BCL11B: variants seen among roughly 807,000 people sequenced by gnomAD.
BCL11B encodes B-cell lymphoma/leukemia 11B.
In BCL11B, 8 loss-of-function variants were observed where a neutral mutation model predicts 49.9. That is an observed-to-expected ratio of 0.16 (90% CI 0.09 to 0.29). BCL11B has a LOEUF of 0.29. BCL11B is among the 10% of genes least tolerant of loss of function. The pLI is 1.00. For missense variants in BCL11B, 1,006 were observed against 1,351.0 expected, an observed-to-expected ratio of 0.74 and a Z score of 4.00; for synonymous variants, 739 against 637.4, an observed-to-expected ratio of 1.16 and a Z score of -2.40.
chr14:99,223,764 A>G (rs1045412520), intron 3 of BCL11B, among the ~76,000 whole-genome samples: 4 of 152,222 alleles, frequency 2.6e-5, no homozygotes, highest in Non-Finnish European at 4.4e-5. Context: ...TGCTTCATTC[A>G]GGTAAAAATC....
At chr14:99,256,234 T>C (rs1036835383) in intron 2 of BCL11B, among the ~76,000 whole-genome samples, 2 of 152,164 alleles carry the variant, frequency 1.3e-5, no homozygotes, top group African/African-American at 4.8e-5. Context: ...GATGGAAGCA[T>C]GGTAACGATC....
intron 3 of BCL11B, among the ~76,000 whole-genome samples, chr14:99,191,815 G>A (rs1057187048): frequency 2.0e-5 from 3 of 152,134 alleles, no homozygotes; most frequent in Non-Finnish European, 4.4e-5. Flanking sequence ...TGGTGGCTCA[G>A]CTGTGAGCCC....
intron 1 of BCL11B, among the ~76,000 whole-genome samples, chr14:99,270,538 C>G (rs1427542702): frequency 6.6e-6 from 1 of 151,936 alleles, no homozygotes; most frequent in East Asian, 2.0e-4. Context: ...GATTATTTTG[C>G]AAATAGCAGG....
At chr14:99,246,444 G>C (rs1216354177) in intron 2 of BCL11B, among the ~76,000 whole-genome samples, 1 of 152,236 alleles carries the variant, frequency 6.6e-6, no homozygotes, top group Non-Finnish European at 1.5e-5. Flanking sequence ...CCGGCGGCCA[G>C]GCGGGGGCCA....
At chr14:99,200,587 C>T (rs1367836199) in intron 3 of BCL11B, among the ~76,000 whole-genome samples, 1 of 152,238 alleles carries the variant, frequency 6.6e-6, no homozygotes, top group Non-Finnish European at 1.5e-5. Context: ...CCACTTTGCC[C>T]ATGAGGCAGC....
At chr14:99,263,818 C>A (rs1433375658) in intron 1 of BCL11B, among the ~76,000 whole-genome samples, 1 of 151,526 alleles carries the variant, frequency 6.6e-6, no homozygotes, top group Non-Finnish European at 1.5e-5. Context: ...AGCCCAGGAG[C>A]CTGGGTCTCC....
At chr14:99,246,070 C>A (rs1888825598) in intron 2 of BCL11B, among the ~76,000 whole-genome samples, 1 of 151,526 alleles carries the variant, frequency 6.6e-6, no homozygotes, top group Non-Finnish European at 1.5e-5. Flanking sequence ...ATGCCCCCCG[C>A]CCCCCAAAGC....
intron 1 of BCL11B, among the ~76,000 whole-genome samples, chr14:99,261,679 A>G (rs1014732470): frequency 6.6e-6 from 1 of 152,178 alleles, no homozygotes; most frequent in Non-Finnish European, 1.5e-5. Flanking sequence ...AAGCTCCCCA[A>G]GTGTCGGGCA....
Position 99,192,579 on chromosome 14 carries a change from C to G in BCL11B, c.641-16384G>C, listed in dbSNP as rs1464850273. Among the ~76,000 whole-genome samples the G allele has an allele frequency of 6.6e-6, 1 of 152,196 alleles. No homozygotes were observed. Among genetic ancestry groups the G allele is most frequent in the Non-Finnish European group, 1.5e-5 (1 of 68,036 alleles). On this transcript the variant is annotated intron_variant, in intron 3 of 3. Transcript: ENST00000357195. The surrounding 1 kb of genome is among the most constrained non-coding windows in gnomAD (Gnocchi z 4.0). ...CCTCCTCTACCCTCCTGCTGTCCTG[C>G]CAGGTACCAGGTGTACCAGACCGGC...
intron 3 of BCL11B, among the ~76,000 whole-genome samples, chr14:99,210,844 C>T (rs1018764583): frequency 1.2e-4 from 18 of 152,194 alleles, no homozygotes; most frequent in African/African-American, 4.3e-4. Flanking sequence ...CTCCTCCTGA[C>T]TTAGCTGCAC....
intron 3 of BCL11B, among the ~76,000 whole-genome samples, chr14:99,201,317 T>A (rs1887375231): frequency 6.6e-6 from 1 of 152,166 alleles, no homozygotes; most frequent in South Asian, 2.1e-4. Flanking sequence ...GTCCAAATAC[T>A]GTTTTAAGGG....
intron 3 of BCL11B, among the ~76,000 whole-genome samples, chr14:99,209,658 A>G (rs930698087): frequency 2.0e-5 from 3 of 152,138 alleles, no homozygotes; most frequent in Non-Finnish European, 4.4e-5. Context: ...CCATGGCTGC[A>G]GGAAGACAGG....
At position 99,169,942 on chromosome 14, in the gene BCL11B, G is replaced by A. The variant is rs909080453; in HGVS notation, c.*4209C>T. The A allele has an allele frequency of 8.3e-5, 19 of 229,974 alleles. No homozygotes were observed. The highest frequency in any genetic ancestry group is 6.2e-4 in the Admixed American group (11 of 17,676). 14.2% of individuals were successfully genotyped at this position (229,974 alleles called of 1,614,324 possible). A position where few individuals can be genotyped will look rare whatever the true frequency, so the allele number is the denominator to read the frequency against. ...GCAGTGCGGAAACCGGCCTGAGGTCGGCTGGGTCACCCATGCTAGAGGCCT... is the reference window on the plus strand; with the variant it reads ...GCAGTGCGGAAACCGGCCTGAGGTCAGCTGGGTCACCCATGCTAGAGGCCT... On this transcript the variant is annotated 3_prime_UTR_variant, in exon 4 of 4. Coordinates refer to ENST00000357195, the MANE Select transcript of BCL11B (RefSeq NM_138576.4).
chr14:99,229,043 CATGG>C (rs1181779397), intron 3 of BCL11B, among the ~76,000 whole-genome samples: 1,468 of 104,736 alleles, frequency 0.014, 16 homozygotes, highest in Non-Finnish European at 0.018. Context: ...TGGATGGATG[CATGG>C]ATGGATGGAT....
chr14:99,269,143 T>TCCCCCCCCCCCCCCATCCCCC (rs1566838293), intron 1 of BCL11B, among the ~76,000 whole-genome samples: 2 of 122,868 alleles, frequency 1.6e-5, no homozygotes, highest in Non-Finnish European at 3.3e-5. Flanking sequence ...CCCCATCCAC[T>TCCCCCCCCCCCCCCATCCCCC]CCCCCTTCCC....
chr14:99,244,901 C>T (rs907049393), intron 2 of BCL11B, among the ~76,000 whole-genome samples: 2 of 152,192 alleles, frequency 1.3e-5, no homozygotes, highest in African/African-American at 4.8e-5. Context: ...ATTTTTAATA[C>T]TACCTTGACT....
At chr14:99,259,140 C>T (rs939860097) in intron 1 of BCL11B, among the ~76,000 whole-genome samples, 6 of 152,072 alleles carry the variant, frequency 3.9e-5, no homozygotes, top group Non-Finnish European at 8.8e-5. Flanking sequence ...GCGGGGTCTT[C>T]AGGGAAGCCA....
In BCL11B at chr14:99,257,562, C is replaced by T. The variant is rs149715351; in HGVS notation, c.336G>A (p.Pro112=). The change falls in exon 2 of 4, where the codon CCG becomes CCA. Residue 112 remains proline (P), a synonymous_variant. Transcript: ENST00000357195. This position sits in a 1 kb window ranked among gnomAD's most constrained non-coding sequence, Gnocchi z 6.2. ...GGGTGACTTGGATCCCGATCTCCAC[C>T]GGCTCGGACACTTTCCTGAGCTCGG... ...SRSELRKVSE[P]VEIGIQVTPD... is the part of the protein sequence containing the mutation. The T allele has an allele frequency of 8.1e-5, 131 of 1,613,936 alleles. No homozygotes were observed. Among genetic ancestry groups the T allele is most frequent in the Middle Eastern group, 1.6e-4 (1 of 6,084 alleles).
intron 3 of BCL11B, among the ~76,000 whole-genome samples, chr14:99,212,490 A>G (rs1455724810): frequency 6.6e-6 from 1 of 152,136 alleles, no homozygotes; most frequent in Non-Finnish European, 1.5e-5. Flanking sequence ...GGACAGCCTC[A>G]TGGGGGCCAG....
Sources: allele counts gnomAD v4.1 joint callset (sites outside exome capture counted in the v4.1 genomes callset), GRCh38; gene constraint gnomAD v4.1.1; non-coding constraint Gnocchi (gnomAD v3.1); transcripts MANE v1.5; gene names NCBI Gene and HGNC (gene_info 2026-07-23, HGNC 2026-07-21).